Variants in OCA2 observed in about 807,000 individuals in gnomAD.
OCA2 encodes the protein P protein.
OCA2 carries 77 observed loss-of-function variants against 100.2 expected under a neutral mutation model. The observed-to-expected ratio is 0.77, with a 90% confidence interval of 0.64 to 0.93. The LOEUF is 0.93. OCA2 is among the 40% of genes least tolerant of loss of function. The pLI, the probability that OCA2 is intolerant of heterozygous loss-of-function variation, is 0.00. For synonymous variants in OCA2, 432 were observed against 439.2 expected (o/e 0.98, Z 0.21); for missense variants, 1,062 against 1,089.1 (o/e 0.98, Z 0.35).
intron 19 of OCA2, among the ~76,000 whole-genome samples, chr15:27,888,291 C>A (rs1449220010): frequency 6.6e-6 from 1 of 152,196 alleles, no homozygotes; most frequent in East Asian, 1.9e-4. Flanking sequence ...TAGTCTATAA[C>A]CTGTGTGCTA....
intron 21 of OCA2, among the ~76,000 whole-genome samples, chr15:27,870,721 AAAGAAGGAAGGAAGGGAGGG>A (rs2036518712): frequency 2.9e-5 from 2 of 69,448 alleles, no homozygotes; most frequent in Admixed American, 1.6e-4. Flanking sequence ...GGAAGGAAGG[AAAGAAGGAAGGAAGGGAGGG>A]AGGGAGGGAG....
intron 19 of OCA2, among the ~76,000 whole-genome samples, chr15:27,919,499 C>G (rs1249386024): frequency 6.6e-6 from 1 of 152,126 alleles, no homozygotes; most frequent in African/African-American, 2.4e-5. Context: ...ATGCATATTA[C>G]TAAATGAAAG....
intron 23 of OCA2, among the ~76,000 whole-genome samples, chr15:27,777,097 G>T (rs1018333985): frequency 4.6e-5 from 7 of 152,088 alleles, no homozygotes; most frequent in Admixed American, 2.0e-4. Context: ...ACACCCTAGA[G>T]GTGCCTGGTG....
intron 9 of OCA2, among the ~76,000 whole-genome samples, chr15:28,003,959 T>C (rs1000100184): frequency 2.1e-4 from 32 of 152,178 alleles, no homozygotes; most frequent in African/African-American, 7.2e-4. Flanking sequence ...ACCTGTCCCT[T>C]CCCGGCTCTG....
Position 28,016,327 on chromosome 15 carries a change from T to G in OCA2, c.808-141A>C, listed in dbSNP as rs2042392788. ...CAGGAGAGCATCTTTATTTGAGCTC[T>G]CACATCTCTGATGTTAGGAGCTAGT... On this transcript the variant is annotated intron_variant, in intron 7 of 23. Transcript: ENST00000354638. 3 of 733,920 alleles carry G rather than the reference T, an allele frequency of 4.1e-6. No homozygotes were observed. In the African/African-American group the frequency reaches 5.2e-5, roughly 13 times the overall value. 45.5% of individuals were successfully genotyped at this position (733,920 alleles called of 1,614,324 possible).
chr15:27,931,454 C>T lies in OCA2; in HGVS notation c.1952-5200G>A, dbSNP rs144251796. On this transcript the variant is annotated intron_variant, in intron 18 of 23. Transcript: ENST00000354638. ...GGTTCAAGTGATTCTCCTGCCTCAG[C>T]CTCCTGAGTAGCTGGGATTACAGGT... 6.5e-4 allele frequency among the ~76,000 whole-genome samples: 99 copies of T among 152,250 alleles called. No homozygotes were observed. The East Asian group carries it at 0.018, about 27-fold the overall frequency.
At chr15:27,794,275 G>A (rs571730232) in intron 23 of OCA2, among the ~76,000 whole-genome samples, 15 of 152,214 alleles carry the variant, frequency 9.9e-5, no homozygotes, top group Non-Finnish European at 1.5e-4. Context: ...GTGGCTAAGC[G>A]CAGATGGCTA....
At chr15:27,742,822 A>G in the OCA2 span, among the ~76,000 whole-genome samples, 1 of 152,186 alleles carries the variant, frequency 6.6e-6, no homozygotes, top group African/African-American at 2.4e-5. Context: ...CCCTCTGAGA[A>G]GTCTGGAAGC....
rs868165861 is a variant in OCA2, at chr15:27,882,800, T to C, written c.2080-10878A>G. ...TTTCCTGTGATCATATTGGCCTGTA[T>C]CACACGTGTATCATCCAGTAGCCAG... On this transcript the variant is annotated intron_variant, in intron 19 of 23. Coordinates refer to ENST00000354638, the MANE Select transcript of OCA2 (RefSeq NM_000275.3). Among the ~76,000 whole-genome samples, 7 of 152,344 alleles carry C rather than the reference T, an allele frequency of 4.6e-5. No individual in the cohort carries two copies. In the South Asian group the frequency reaches 1.0e-3, roughly 23 times the overall value.
chr15:27,966,124 C>A (rs2040558310), intron 15 of OCA2, among the ~76,000 whole-genome samples: 1 of 152,176 alleles, frequency 6.6e-6, no homozygotes, highest in African/African-American at 2.4e-5. Context: ...GCCTGTGCCA[C>A]CATGCCCGGC....
chr15:28,084,287 T>A (rs899657278), intron 1 of OCA2, among the ~76,000 whole-genome samples: 4 of 152,242 alleles, frequency 2.6e-5, no homozygotes, highest in African/African-American at 9.6e-5. Context: ...CAGTTTATGA[T>A]GTTTTGTTAC....
Position 27,905,521 on chromosome 15 carries a change from G to A in OCA2, c.2079+20606C>T, listed in dbSNP as rs140555728. Among the ~76,000 whole-genome samples, 1,094 of 152,346 alleles carry A rather than the reference G, an allele frequency of 7.2e-3. 15 individuals are homozygous for A. The highest frequency in any genetic ancestry group is 0.025 in the African/African-American group (1,023 of 41,588). On this transcript the variant is annotated intron_variant, in intron 19 of 23. Coordinates refer to ENST00000354638, the MANE Select transcript of OCA2 (RefSeq NM_000275.3). Reference sequence around the variant, plus strand: ...CGGGCCAGGGGGAACTGGGCCCTGGGAGGTGCTGTGAGAGGAGCAGGAGCA... The same window carrying A: ...CGGGCCAGGGGGAACTGGGCCCTGGAAGGTGCTGTGAGAGGAGCAGGAGCA...
chr15:27,914,891 A>G (rs1334900314), intron 19 of OCA2, among the ~76,000 whole-genome samples: 1 of 152,156 alleles, frequency 6.6e-6, no homozygotes, highest in Non-Finnish European at 1.5e-5. Flanking sequence ...CCAAAAAAAG[A>G]GCCCAAATAG....
At chr15:27,988,945 G>C (rs1258126924) in intron 11 of OCA2, among the ~76,000 whole-genome samples, 1 of 152,188 alleles carries the variant, frequency 6.6e-6, no homozygotes, top group Non-Finnish European at 1.5e-5. Context: ...GGAAAATGAG[G>C]ATCTATCGTG....
At chr15:28,080,580 G>A (rs935414737) in intron 2 of OCA2, among the ~76,000 whole-genome samples, 3 of 152,226 alleles carry the variant, frequency 2.0e-5, no homozygotes, top group Non-Finnish European at 2.9e-5. Context: ...GCATGAGCAC[G>A]CAAGCTGGGG....
At chr15:27,722,802 T>TCTCTCTCTCTC in the OCA2 span, among the ~76,000 whole-genome samples, 1 of 39,500 alleles carries the variant, frequency 2.5e-5, no homozygotes, top group East Asian at 6.3e-4. Context: ...CTCTCTCTCT[T>TCTCTCTCTCTC]TCTCTCTCTC....
At chr15:27,884,616 T>G (rs1233123170) in intron 19 of OCA2, among the ~76,000 whole-genome samples, 1 of 152,186 alleles carries the variant, frequency 6.6e-6, no homozygotes, top group Admixed American at 6.5e-5. Context: ...TTCATTCACA[T>G]TGGAATCAGA....
chr15:27,821,177 T>C (rs557431633), intron 23 of OCA2, among the ~76,000 whole-genome samples: 1 of 152,266 alleles, frequency 6.6e-6, no homozygotes, highest in East Asian at 1.9e-4. Flanking sequence ...AAAGCACCAG[T>C]TTCCATTTGT....
the OCA2 span, among the ~76,000 whole-genome samples, chr15:27,748,640 A>G: frequency 1.3e-5 from 2 of 152,244 alleles, no homozygotes. Context: ...ATCATCTGTC[A>G]TGCAATGATC....
Sources: gnomAD v4.1 joint callset for allele counts (sites outside exome capture counted in the v4.1 genomes callset) on GRCh38, gnomAD v4.1.1 for gene constraint, MANE v1.5 for transcripts, NCBI Gene and HGNC (gene_info 2026-07-23, HGNC 2026-07-21) for gene names.